The following CWH43 variants were observed in gnomAD, a reference collection of about 807,000 sequenced individuals.
CWH43 encodes the protein cell wall biogenesis 43 C-terminal homolog.
In CWH43, 91 loss-of-function variants were observed where a neutral mutation model predicts 85.7. That is an observed-to-expected ratio of 1.06 (90% CI 0.90 to 1.26). CWH43 has a LOEUF of 1.26. Among genes scored for constraint, CWH43 ranks in the 50% most tolerant of loss-of-function variants. The probability of loss-of-function intolerance (pLI) is 0.00; values close to 1 mark genes in which losing one functional copy is unlikely to be tolerated. For synonymous variants in CWH43, 323 were observed against 293.6 expected (o/e 1.10, Z -1.02); for missense variants, 869 against 839.2 (o/e 1.04, Z -0.44).
chr4:48,990,381 T>G (rs1181165737), intron 2 of CWH43, among the ~76,000 whole-genome samples: 2 of 152,170 alleles, frequency 1.3e-5, no homozygotes, highest in African/African-American at 4.8e-5. Flanking sequence ...TAACAGAGGC[T>G]AAAGTAAGCC....
At chr4:49,056,598 C>T (rs1251521893) in intron 15 of CWH43, among the ~76,000 whole-genome samples, 1 of 151,660 alleles carries the variant, frequency 6.6e-6, no homozygotes, top group Non-Finnish European at 1.5e-5. Context: ...TCCATTTTAT[C>T]TTTTCAAAAA....
intron 15 of CWH43, among the ~76,000 whole-genome samples, chr4:49,055,147 A>G (rs1216565250): frequency 6.6e-6 from 1 of 152,124 alleles, no homozygotes; most frequent in South Asian, 2.1e-4. Flanking sequence ...GTGGGTTGTC[A>G]TATATGGCCT....
intron 9 of CWH43, among the ~76,000 whole-genome samples, chr4:49,018,466 A>G (rs1783632949): frequency 6.6e-6 from 1 of 152,204 alleles, no homozygotes; most frequent in South Asian, 2.1e-4. Flanking sequence ...ATTCTTTAGG[A>G]AAACTCTTAC....
At chr4:49,048,874 T>C (rs1160006429) in intron 14 of CWH43, among the ~76,000 whole-genome samples, 1 of 151,776 alleles carries the variant, frequency 6.6e-6, no homozygotes, top group Non-Finnish European at 1.5e-5. Context: ...GGAACTAGGG[T>C]TTTTCAGTTT....
chr4:49,048,800 A>T (rs1784709783), intron 14 of CWH43, among the ~76,000 whole-genome samples: 1 of 152,196 alleles, frequency 6.6e-6, no homozygotes, highest in African/African-American at 2.4e-5. Context: ...GCTTCAACAA[A>T]TGAATTTTGG....
intron 6 of CWH43, among the ~76,000 whole-genome samples, chr4:49,002,487 A>G (rs1783021508): frequency 6.6e-6 from 1 of 152,220 alleles, no homozygotes; most frequent in Non-Finnish European, 1.5e-5. Flanking sequence ...ATACTTCTGT[A>G]TATACACAGA....
In CWH43 at chr4:48,994,644, A is replaced by C. The variant is rs759078197; in HGVS notation, c.537A>C (p.Glu179Asp). The C allele has an allele frequency of 1.2e-6, 2 of 1,613,482 alleles. No homozygotes were observed. Among genetic ancestry groups the C allele is most frequent in the Non-Finnish European group, 8.5e-7 (1 of 1,179,888 alleles). ...ATGGTGACTGCAGTAAACCTGAAGA[A>C]AAGAAGACTGGTGAGGTAGCCACGG... ...GTDGDCSKPE[E>D]KKTGEVATGM... Residue 179 changes from glutamate to aspartate, a missense_variant, in exon 5 of 16, where the codon GAA (glutamate) becomes GAC (aspartate). Glu to Asp is a conservative substitution (Grantham distance 45). Transcript: ENST00000226432.
At chr4:49,056,589 C>T (rs1194538359) in intron 15 of CWH43, among the ~76,000 whole-genome samples, 1 of 151,684 alleles carries the variant, frequency 6.6e-6, no homozygotes, top group Non-Finnish European at 1.5e-5. Context: ...AACACTTTAT[C>T]CATTTTATCT....
At chr4:49,039,875 C>T (rs890153099) in intron 13 of CWH43, among the ~76,000 whole-genome samples, 4 of 152,012 alleles carry the variant, frequency 2.6e-5, no homozygotes, top group African/African-American at 9.7e-5. Context: ...AGGTATATCT[C>T]CTAATGCTAT....
intron 4 of CWH43, among the ~76,000 whole-genome samples, chr4:48,994,379 A>G (rs1161363401): frequency 6.6e-6 from 1 of 152,196 alleles, no homozygotes; most frequent in Non-Finnish European, 1.5e-5. Flanking sequence ...CACCTGTTGA[A>G]TTCCAAAATG....
intron 9 of CWH43, among the ~76,000 whole-genome samples, chr4:49,023,571 C>T (rs529274897): frequency 1.3e-4 from 19 of 151,952 alleles, no homozygotes; most frequent in East Asian, 1.2e-3. Context: ...GATGGGGTTT[C>T]GCCCCATGTT....
chr4:49,044,695 TA>T, intron 13 of CWH43, 90 bp from the exon 14 acceptor site: 1 of 937,210 alleles, frequency 1.1e-6, no homozygotes, highest in Non-Finnish European at 1.7e-6. Context: ...TACAAAGAGA[TA>T]TTTATCATGT....
chr4:49,054,654 C>T (rs1367729552), intron 15 of CWH43, among the ~76,000 whole-genome samples: 2 of 152,046 alleles, frequency 1.3e-5, no homozygotes, highest in African/African-American at 2.4e-5. Context: ...AGATGTGTTT[C>T]CATTAATTTG....
chr4:49,024,148 A>T (rs1011931827), intron 9 of CWH43, among the ~76,000 whole-genome samples: 5 of 152,034 alleles, frequency 3.3e-5, no homozygotes, highest in African/African-American at 9.7e-5. Flanking sequence ...GTTTTGTCTG[A>T]TATAAAAATA....
In CWH43 at chr4:49,050,855, T is replaced by A. The variant is rs755701306; in HGVS notation, c.2021+6T>A. 6.2e-7 allele frequency: 1 copy of A among 1,608,702 alleles called. No individual in the cohort carries two copies. The highest frequency in any genetic ancestry group is 1.7e-5 in the Admixed American group (1 of 59,566). On this transcript the variant is annotated splice_donor_region_variant and intron_variant, in intron 15 of 15. Coordinates refer to ENST00000226432, the MANE Select transcript of CWH43 (RefSeq NM_025087.3). The stretch of plus-strand genomic sequence containing the variant: ...AAAATTCATTTTAATCCCAGGTGAG[T>A]TCCTTTATGCTGTAGTTCCAGTTAT...
At chr4:48,994,526 A>G in intron 4 of CWH43, 93 bp from the exon 5 acceptor site, 1 of 1,066,866 alleles carries the variant, frequency 9.4e-7, no homozygotes, top group Non-Finnish European at 1.4e-6. Context: ...TTGAAGCCAA[A>G]TACCATTTCT....
At position 49,007,195 on chromosome 4, in the gene CWH43, T is replaced by C; in HGVS notation, c.1061-6T>C. 6.2e-7 allele frequency: 1 copy of C among 1,604,012 alleles called. No homozygotes were observed. Among genetic ancestry groups the C allele is most frequent in the Middle Eastern group, 1.7e-4 (1 of 6,008 alleles). ...TATAACATATTCTTTCTTTCTCTTATAACAGGGACAATGATGTTAATTATC... is the reference window on the plus strand; with the variant it reads ...TATAACATATTCTTTCTTTCTCTTACAACAGGGACAATGATGTTAATTATC... On this transcript the variant is annotated splice_region_variant and splice_polypyrimidine_tract_variant and intron_variant, in intron 7 of 15. Transcript: ENST00000226432.
Position 48,992,430 on chromosome 4 carries a change from T to A in CWH43, c.511+340T>A, listed in dbSNP as rs1372621992. Among the ~76,000 whole-genome samples, 1 of 152,196 alleles carries A rather than the reference T, an allele frequency of 6.6e-6. No individual in the cohort carries two copies. Among genetic ancestry groups the A allele is most frequent in the Non-Finnish European group, 1.5e-5 (1 of 68,032 alleles). ...CTGGTCAGAGCTCTCTAGGATGGGATTCTCCATCCTCCACCTCCACACTGA... is the reference window on the plus strand; with the variant it reads ...CTGGTCAGAGCTCTCTAGGATGGGAATCTCCATCCTCCACCTCCACACTGA... On this transcript the variant is annotated intron_variant, in intron 4 of 15. Transcript: ENST00000226432. This position sits in a 1 kb window ranked among gnomAD's most constrained non-coding sequence, Gnocchi z 4.3.
chr4:49,033,614 G>T (rs1402150672), intron 12 of CWH43, among the ~76,000 whole-genome samples: 1 of 152,184 alleles, frequency 6.6e-6, no homozygotes, highest in Non-Finnish European at 1.5e-5. Context: ...GGCCAGTGAT[G>T]GTTTTCTAAA....
Sources: gnomAD v4.1 joint callset for allele counts (sites outside exome capture counted in the v4.1 genomes callset) on GRCh38, gnomAD v4.1.1 for gene constraint, Gnocchi (gnomAD v3.1) non-coding constraint, MANE v1.5 for transcripts, NCBI Gene and HGNC (gene_info 2026-07-23, HGNC 2026-07-21) for gene names.